Variants in LAMA2 observed in about 807,000 individuals in gnomAD.
LAMA2 encodes the protein laminin subunit alpha 2.
Under a neutral mutation model 364.8 loss-of-function variants are expected in LAMA2, and 269 were observed. The observed-to-expected ratio is 0.74, with a 90% CI of 0.67 to 0.82. LAMA2 has a LOEUF of 0.82. Ranked by LOEUF, LAMA2 falls within the 40% of genes least tolerant of loss-of-function variation. LAMA2 has a pLI of 0.00. For missense variants in LAMA2, 3,807 were observed against 3,873.2 expected (o/e 0.98, Z 0.45); for synonymous variants, 1,379 against 1,370.6 (o/e 1.01, Z -0.14).
At chr6:129,070,540 C>T (rs1480332895) in intron 3 of LAMA2, among the ~76,000 whole-genome samples, 3 of 146,414 alleles carry the variant, frequency 2.0e-5, no homozygotes, top group African/African-American at 8.1e-5. Context: ...TCTTTTGTAA[C>T]AGCTTCTTTA....
chr6:129,445,889 C>G, intron 45 of LAMA2, 68 bp downstream of exon 45: 2 of 1,446,518 alleles, frequency 1.4e-6, no homozygotes, highest in Non-Finnish European at 1.9e-6. Flanking sequence ...GAGGGAATGT[C>G]TTTCCCCAGG....
chr6:129,345,866 G>A (rs1025823783), intron 30 of LAMA2, among the ~76,000 whole-genome samples: 2 of 152,138 alleles, frequency 1.3e-5, no homozygotes, highest in African/African-American at 4.8e-5. Flanking sequence ...CCTATAAATT[G>A]TGAGAAGAGA....
chr6:129,274,343 G>T (rs1056531229), intron 17 of LAMA2, among the ~76,000 whole-genome samples: 2 of 151,480 alleles, frequency 1.3e-5, no homozygotes, highest in Non-Finnish European at 2.9e-5. Flanking sequence ...ATGTGAGCTA[G>T]AAACTCTGAG....
intron 1 of LAMA2, among the ~76,000 whole-genome samples, chr6:128,980,160 C>T (rs546929407): frequency 1.1e-4 from 17 of 152,208 alleles, no homozygotes; most frequent in South Asian, 2.1e-4. Context: ...TGAGAAAAGG[C>T]GATAATCATC....
At chr6:129,482,585 G>A (rs963244088) in intron 55 of LAMA2, among the ~76,000 whole-genome samples, 6 of 152,068 alleles carry the variant, frequency 3.9e-5, no homozygotes, top group Admixed American at 3.9e-4. Context: ...TTGTGATTAC[G>A]TGTTTTAAAA....
chr6:129,004,735 C>T (rs1195617132), intron 1 of LAMA2, among the ~76,000 whole-genome samples: 1 of 152,142 alleles, frequency 6.6e-6, no homozygotes, highest in Non-Finnish European at 1.5e-5. Flanking sequence ...TAATGCTATA[C>T]ACTATTATGT....
At chr6:129,004,814 T>A (rs1784342778) in intron 1 of LAMA2, among the ~76,000 whole-genome samples, 1 of 151,036 alleles carries the variant, frequency 6.6e-6, no homozygotes. Flanking sequence ...AATTAATATA[T>A]CCTTGATTCT....
In LAMA2 at chr6:129,354,868, C is replaced by T. The variant is rs932665872; in HGVS notation, c.4717+1511C>T. On this transcript the variant is annotated intron_variant, in intron 32 of 64. Coordinates refer to ENST00000421865, the MANE Select transcript of LAMA2 (RefSeq NM_000426.4). ...TTTGAATACATTTATCATTAGAAATCGTAATTCATCTTTTCCCTATCACAT... is the reference window on the plus strand; with the variant it reads ...TTTGAATACATTTATCATTAGAAATTGTAATTCATCTTTTCCCTATCACAT... 9.9e-5 allele frequency among the ~76,000 whole-genome samples: 15 copies of T among 152,202 alleles called. 1 individual carries two copies. In the East Asian group the frequency reaches 2.1e-3, roughly 22 times the overall value.
intron 40 of LAMA2, among the ~76,000 whole-genome samples, chr6:129,410,035 C>G (rs1036635407): frequency 1.3e-5 from 2 of 152,112 alleles, no homozygotes; most frequent in South Asian, 2.1e-4. Flanking sequence ...GGATATGAGG[C>G]CCTCCTCTGC....
intron 1 of LAMA2, among the ~76,000 whole-genome samples, chr6:128,958,428 T>C (rs937556165): frequency 7.9e-5 from 12 of 152,102 alleles, no homozygotes; most frequent in Admixed American, 1.3e-4. Context: ...TATGAAGAAA[T>C]AAAATATTAC....
At chr6:129,512,598 T>A in intron 63 of LAMA2, 105 bp downstream of exon 63, 1 of 1,282,340 alleles carries the variant, frequency 7.8e-7, no homozygotes, top group South Asian at 1.2e-5. Flanking sequence ...CCGGCTGTAT[T>A]CTTTGTTGGG....
intron 19 of LAMA2, 114 bp downstream of exon 19, chr6:129,288,172 G>A (rs1789417120): frequency 4.7e-6 from 4 of 847,112 alleles, no homozygotes; most frequent in East Asian, 2.5e-5. Context: ...ATACATGGTT[G>A]ATAGATGCAT....
At chr6:129,379,324 T>G (rs1179231762) in intron 34 of LAMA2, among the ~76,000 whole-genome samples, 5 of 131,848 alleles carry the variant, frequency 3.8e-5, no homozygotes, top group South Asian at 4.5e-4. Context: ...TATGCATGGG[T>G]TTTTTTTTTT....
chr6:129,402,870 A>ATT (rs1203175794), intron 39 of LAMA2, among the ~76,000 whole-genome samples: 1 of 152,262 alleles, frequency 6.6e-6, no homozygotes, highest in Admixed American at 6.5e-5. Flanking sequence ...AATCAAAACA[A>ATT]TTTATTGTTA....
At chr6:129,231,647 T>C (rs1784674895) in intron 12 of LAMA2, among the ~76,000 whole-genome samples, 1 of 152,140 alleles carries the variant, frequency 6.6e-6, no homozygotes, top group Non-Finnish European at 1.5e-5. Context: ...TTTCTAGGCA[T>C]ACACACACTT....
intron 51 of LAMA2, 143 bp downstream of exon 51, chr6:129,465,432 T>C: frequency 2.7e-6 from 2 of 734,948 alleles, no homozygotes; most frequent in Admixed American, 4.2e-5. Context: ...TTTTTTTGGC[T>C]TAGATTATAG....
chr6:129,235,662 T>A (rs1784935094), intron 12 of LAMA2, among the ~76,000 whole-genome samples: 1 of 152,208 alleles, frequency 6.6e-6, no homozygotes, highest in African/African-American at 2.4e-5. Context: ...CAGTTTGTAC[T>A]CCTTTGTTCT....
chr6:129,048,589 GCTTC>G (rs1378007051), intron 1 of LAMA2, among the ~76,000 whole-genome samples: 1 of 59,370 alleles, frequency 1.7e-5, no homozygotes, highest in Non-Finnish European at 3.2e-5. Context: ...TTCCTTCTTT[GCTTC>G]CTTCCTTCCT....
At chr6:129,250,998 CTCTT>C (rs1235297436) in intron 13 of LAMA2, among the ~76,000 whole-genome samples, 2 of 150,246 alleles carry the variant, frequency 1.3e-5, no homozygotes, top group African/African-American at 2.4e-5. Flanking sequence ...TCTGCTCTCT[CTCTT>C]TCTGTCTCTC....
Sources: allele counts gnomAD v4.1 joint callset (sites outside exome capture counted in the v4.1 genomes callset), GRCh38; gene constraint gnomAD v4.1.1; transcripts MANE v1.5; gene names NCBI Gene and HGNC (gene_info 2026-07-23, HGNC 2026-07-21).